Variants in LMLN observed in about 807,000 individuals in gnomAD.
LMLN encodes the protein leishmanolysin-like peptidase.
In LMLN, 70 loss-of-function variants were observed where a neutral mutation model predicts 92.3. That is an observed-to-expected ratio of 0.76 (90% CI 0.63 to 0.92). The LOEUF (loss-of-function observed/expected upper bound fraction) is 0.92, where lower values mean the gene tolerates loss of function less well. LMLN is among the 40% of genes least tolerant of loss of function. LMLN has a pLI of 0.00. For synonymous variants in LMLN, 308 were observed against 296.2 expected, an observed-to-expected ratio of 1.04 and a Z score of -0.41; for missense variants, 691 against 814.6, an observed-to-expected ratio of 0.85 and a Z score of 1.85.
chr3:198,019,167 A>G lies in LMLN; in HGVS notation c.1233-86A>G. 1 of 1,328,396 alleles carries G rather than the reference A, an allele frequency of 7.5e-7. No homozygotes were observed. The highest frequency in any genetic ancestry group is 1.5e-5 in the South Asian group (1 of 66,802). The allele number at this position is 1,328,396 out of a possible 1,614,324, so 82.3% of individuals were successfully genotyped here. ...TGAAGGTTTGTATTTTTAGGCCAGG[A>G]TCTGGAATTCCATTTGTTGGCTGTA... On this transcript the variant is annotated intron_variant, in intron 11 of 15. Coordinates refer to ENST00000330198, the Ensembl canonical transcript of LMLN. The surrounding 1 kb of genome is among the most constrained non-coding windows in gnomAD (Gnocchi z 5.5).
At chr3:198,009,345 A>G (rs1209706292) in intron 11 of LMLN, among the ~76,000 whole-genome samples, 1 of 152,188 alleles carries the variant, frequency 6.6e-6, no homozygotes, top group African/African-American at 2.4e-5. Flanking sequence ...TAGGATTGTT[A>G]TATTTTCATA....
chr3:198,013,770 C>T (rs1232794556), intron 11 of LMLN, among the ~76,000 whole-genome samples: 2 of 136,638 alleles, frequency 1.5e-5, no homozygotes, highest in South Asian at 2.3e-4. Flanking sequence ...CCCTTCAGAG[C>T]CCCCTAACTA....
At chr3:197,996,438 CT>C (rs200521842) in intron 10 of LMLN, 156 bp downstream of exon 10, 5,991 of 473,362 alleles carry the variant, frequency 0.013, 62 homozygotes, top group Non-Finnish European at 0.016. Context: ...TCACTCCTTA[CT>C]TTTTTTGTAT....
At chr3:197,984,758 T>C (rs1721655330) in intron 7 of LMLN, among the ~76,000 whole-genome samples, 2 of 151,918 alleles carry the variant, frequency 1.3e-5, no homozygotes, top group East Asian at 3.9e-4. Context: ...CCTCTGCTGC[T>C]GCAACCTCCT....
intron 10 of LMLN, 77 bp from the exon 11 acceptor site, chr3:197,999,189 G>A: frequency 3.1e-6 from 3 of 981,308 alleles, no homozygotes; most frequent in South Asian, 2.6e-5. Flanking sequence ...TTTTAAATAT[G>A]TATATCAGAG....
At chr3:198,038,535 AT>A in intron 15 of LMLN, 31 bp from the exon 17 acceptor site, 3 of 1,468,536 alleles carry the variant, frequency 2.0e-6, no homozygotes, top group Non-Finnish European at 9.6e-7. Flanking sequence ...AAAATTGTTT[AT>A]AGAAAGTCAG....
intron 5 of LMLN, among the ~76,000 whole-genome samples, chr3:197,979,982 C>G (rs946008833): frequency 4.6e-5 from 7 of 151,986 alleles, no homozygotes; most frequent in African/African-American, 1.4e-4. Context: ...GAAAAAAAAG[C>G]TACTTTTAGG....
At position 198,007,335 on chromosome 3, in the gene LMLN, CATTT is replaced by C. The variant is rs1229664884; in HGVS notation, c.1232+7994_1232+7997del. On this transcript the variant is annotated intron_variant, in intron 11 of 15. Coordinates refer to ENST00000330198, the Ensembl canonical transcript of LMLN. ...ACACTTTACATTTAAGTCCATGATT[CATTT>C]GAGTTAAGTTTTGTATAAGGTGGGA... Among the ~76,000 whole-genome samples the C allele has an allele frequency of 6.6e-5, 10 of 152,206 alleles. No homozygotes were observed. The South Asian group carries it at 1.9e-3, about 28-fold the overall frequency.
intron 11 of LMLN, among the ~76,000 whole-genome samples, chr3:198,007,702 C>T (rs1049205223): frequency 3.3e-5 from 5 of 152,166 alleles, no homozygotes; most frequent in African/African-American, 4.8e-5. Flanking sequence ...ACAATTATCT[C>T]GTCTGTATCT....
intron 7 of LMLN, chr3:197,985,505 T>C (rs983404195): frequency 5.0e-6 from 1 of 199,584 alleles, no homozygotes; most frequent in Non-Finnish European, 1.0e-5. Flanking sequence ...GAAATATAAT[T>C]ATACGACAGT....
chr3:198,015,054 C>T (rs1325246925), intron 11 of LMLN, among the ~76,000 whole-genome samples: 5 of 146,032 alleles, frequency 3.4e-5, no homozygotes. Context: ...GACTTCTCTC[C>T]ACCCTTCAGA....
At chr3:198,010,504 A>G (rs1031722706) in intron 11 of LMLN, among the ~76,000 whole-genome samples, 9 of 150,776 alleles carry the variant, frequency 6.0e-5, no homozygotes, top group Admixed American at 2.7e-4. Context: ...CTTGAGTACA[A>G]TGGGTGCGAT....
intron 11 of LMLN, among the ~76,000 whole-genome samples, chr3:198,000,296 T>C (rs1426618341): frequency 6.6e-6 from 1 of 152,218 alleles, no homozygotes; most frequent in African/African-American, 2.4e-5. Context: ...TCTAAGACAG[T>C]CTGAGAGAAA....
At chr3:198,018,167 A>G (rs369250717) in intron 11 of LMLN, among the ~76,000 whole-genome samples, 1 of 152,218 alleles carries the variant, frequency 6.6e-6, no homozygotes, top group Non-Finnish European at 1.5e-5. Context: ...TAAAGTAAAT[A>G]TAATATGCCT....
At chr3:198,008,912 C>T (rs1030690643) in intron 11 of LMLN, among the ~76,000 whole-genome samples, 3 of 152,052 alleles carry the variant, frequency 2.0e-5, no homozygotes, top group East Asian at 1.9e-4. Context: ...TTTAGAAGTG[C>T]TTTGTTTAAT....
intron 11 of LMLN, among the ~76,000 whole-genome samples, chr3:198,001,393 C>T (rs1364990603): frequency 6.6e-6 from 1 of 152,086 alleles, no homozygotes; most frequent in Non-Finnish European, 1.5e-5. Context: ...GCTGGAGTGC[C>T]CACCTGAGGA....
At chr3:197,976,210 T>A (rs564152091) in intron 4 of LMLN, 99 bp downstream of exon 4, 2 of 673,870 alleles carry the variant, frequency 3.0e-6, no homozygotes, top group East Asian at 5.8e-5. Context: ...TACTAGAATT[T>A]TATTATGCTT....
intron 1 of LMLN, among the ~76,000 whole-genome samples, chr3:197,971,788 C>T (rs1182884913): frequency 6.6e-6 from 1 of 151,838 alleles, no homozygotes; most frequent in Non-Finnish European, 1.5e-5. Context: ...TAGTGAACTT[C>T]TTGGATCTGT....
intron 15 of LMLN, among the ~76,000 whole-genome samples, chr3:198,037,553 G>T (rs1723267745): frequency 6.6e-6 from 1 of 152,198 alleles, no homozygotes; most frequent in Non-Finnish European, 1.5e-5. Context: ...AGGAGGCTGA[G>T]GCAGGAGAAT....
Sources: gnomAD v4.1 joint callset for allele counts (sites outside exome capture counted in the v4.1 genomes callset) on GRCh38, gnomAD v4.1.1 for gene constraint, Gnocchi (gnomAD v3.1) non-coding constraint, MANE v1.5 for transcripts, NCBI Gene and HGNC (gene_info 2026-07-23, HGNC 2026-07-21) for gene names.